The following DUSP16 variants were observed in gnomAD, a reference collection of about 807,000 sequenced individuals.
The protein encoded by DUSP16 is dual specificity phosphatase 16, also known as dual specificity protein phosphatase 16.
In DUSP16, 21 loss-of-function variants were observed where a neutral mutation model predicts 58.3. The observed-to-expected ratio is 0.36, with a 90% confidence interval of 0.26 to 0.52. The LOEUF (loss-of-function observed/expected upper bound fraction) is 0.52. DUSP16 is among the 20% of genes least tolerant of loss of function. DUSP16 has a pLI of 0.94. For missense variants in DUSP16, 726 were observed against 819.0 expected, an observed-to-expected ratio of 0.89 and a Z score of 1.39; for synonymous variants, 320 against 323.8, an observed-to-expected ratio of 0.99 and a Z score of 0.12.
chr12:12,521,163 T>C lies in DUSP16; in HGVS notation c.-65A>G. 6.4e-7 allele frequency: 1 copy of C among 1,571,346 alleles called. No homozygotes were observed. The highest frequency in any genetic ancestry group is 8.6e-7 in the Non-Finnish European group (1 of 1,158,812). Reference sequence around the variant, plus strand: ...TTGCCACGATGATGTAATGGTGGTGTGCTCAAAGGCTCAGCCACTCCATTG... The same window carrying C: ...TTGCCACGATGATGTAATGGTGGTGCGCTCAAAGGCTCAGCCACTCCATTG... On this transcript the variant is annotated 5_prime_UTR_variant, in exon 2 of 7. Coordinates refer to ENST00000298573, the MANE Select transcript of DUSP16 (RefSeq NM_030640.3).
At chr12:12,560,938 G>A (rs913413741) in intron 1 of DUSP16, 1 of 83,428 alleles carries the variant, frequency 1.2e-5, no homozygotes, top group African/African-American at 7.0e-5. Context: ...TTGCATGGAT[G>A]GTAAATTTCA....
chr12:12,516,246 C>A (rs7314806), intron 3 of DUSP16, among the ~76,000 whole-genome samples: 9,782 of 150,224 alleles, frequency 0.065, 630 homozygotes, highest in East Asian at 0.24. Flanking sequence ...CTCAAGCAAT[C>A]CTCCCCCATC....
At chr12:12,495,219 T>C (rs887461886) in intron 4 of DUSP16, among the ~76,000 whole-genome samples, 10 of 139,008 alleles carry the variant, frequency 7.2e-5, no homozygotes, top group African/African-American at 2.7e-4. Context: ...ATGAATTATA[T>C]CTCAGTAAAG....
At chr12:12,561,842 G>A (rs1234177525) in intron 1 of DUSP16, among the ~76,000 whole-genome samples, 4 of 150,568 alleles carry the variant, frequency 2.7e-5, no homozygotes, top group Non-Finnish European at 3.0e-5. Context: ...CCCGCGCCCG[G>A]CCGCACGCCC....
intron 1 of DUSP16, among the ~76,000 whole-genome samples, chr12:12,529,174 T>C (rs905866385): frequency 1.3e-5 from 2 of 152,214 alleles, no homozygotes; most frequent in Non-Finnish European, 2.9e-5. Context: ...TGCAGTGCTA[T>C]GATCTCAGTT....
At chr12:12,492,616 C>T (rs914641633) in intron 4 of DUSP16, among the ~76,000 whole-genome samples, 4 of 152,046 alleles carry the variant, frequency 2.6e-5, no homozygotes, top group South Asian at 4.1e-4. Flanking sequence ...CTCTCAGCTT[C>T]GCGTCTCCCT....
chr12:12,528,281 C>T (rs1046788021), intron 1 of DUSP16, among the ~76,000 whole-genome samples: 9 of 152,108 alleles, frequency 5.9e-5, no homozygotes, highest in East Asian at 1.9e-4. Context: ...CCTCCAGACA[C>T]GCTGCCTGAA....
At chr12:12,524,641 CTA>C (rs1283997706) in intron 1 of DUSP16, among the ~76,000 whole-genome samples, 1 of 152,268 alleles carries the variant, frequency 6.6e-6, no homozygotes, top group African/African-American at 2.4e-5. Context: ...CCCAGAATTT[CTA>C]TAAGTCAAGG....
In DUSP16 at chr12:12,521,370, T is replaced by C. The variant is rs992580308; in HGVS notation, c.-272A>G. On this transcript the variant is annotated 5_prime_UTR_variant, in exon 2 of 7. The change abolishes an upstream ATG in the 5' untranslated region. Coordinates refer to ENST00000298573, the MANE Select transcript of DUSP16 (RefSeq NM_030640.3). ...CATAAAGAGATGACTGGAATAACCA[T>C]TCCACAACAAAAGATGCTTTGGAGC... 1.1e-5 allele frequency: 14 copies of C among 1,322,312 alleles called. No homozygotes were observed. The highest frequency in any genetic ancestry group is 1.7e-5 in the South Asian group (1 of 59,616). The allele number at this position is 1,322,312 out of a possible 1,614,324, so 81.9% of individuals were successfully genotyped here. A position where few individuals can be genotyped will look rare whatever the true frequency, so the allele number is the denominator to read the frequency against.
chr12:12,487,695 C>G (rs923127593), intron 4 of DUSP16, among the ~76,000 whole-genome samples: 3 of 152,136 alleles, frequency 2.0e-5, no homozygotes, highest in Non-Finnish European at 4.4e-5. Flanking sequence ...ATTTCCAACC[C>G]GTATCTCCAA....
intron 3 of DUSP16, among the ~76,000 whole-genome samples, chr12:12,505,728 A>G (rs1234278871): frequency 6.6e-6 from 1 of 152,196 alleles, no homozygotes; most frequent in Non-Finnish European, 1.5e-5. Flanking sequence ...GAAAGTTCTA[A>G]GACAGAGAAC....
At chr12:12,552,689 C>T (rs571427116) in intron 1 of DUSP16, among the ~76,000 whole-genome samples, 6 of 152,214 alleles carry the variant, frequency 3.9e-5, no homozygotes, top group Admixed American at 6.5e-5. Flanking sequence ...AATGGCAAAA[C>T]GTAAAACAAT....
chr12:12,488,921 A>C (rs1237660216), intron 4 of DUSP16, among the ~76,000 whole-genome samples: 1 of 152,048 alleles, frequency 6.6e-6, no homozygotes, highest in Non-Finnish European at 1.5e-5. Flanking sequence ...CTCTACTAAA[A>C]CTACAAAATT....
chr12:12,498,713 A>T (rs893271749), intron 4 of DUSP16, among the ~76,000 whole-genome samples: 1 of 152,132 alleles, frequency 6.6e-6, no homozygotes, highest in African/African-American at 2.4e-5. Context: ...CCACAAATAT[A>T]AATTTATATT....
chr12:12,509,279 T>C (rs1274043038), intron 3 of DUSP16, among the ~76,000 whole-genome samples: 1 of 152,206 alleles, frequency 6.6e-6, no homozygotes, highest in East Asian at 1.9e-4. Flanking sequence ...TTTTGAAAAG[T>C]CAACCTTTCC....
chr12:12,532,535 G>A (rs1046928034), intron 1 of DUSP16, among the ~76,000 whole-genome samples: 1 of 152,108 alleles, frequency 6.6e-6, no homozygotes, highest in African/African-American at 2.4e-5. Context: ...CATAACCTTG[G>A]AAATTATGAA....
intron 6 of DUSP16, 103 bp downstream of exon 6, chr12:12,480,118 CTA>C: frequency 6.9e-7 from 1 of 1,440,776 alleles, no homozygotes; most frequent in Non-Finnish European, 9.4e-7. Flanking sequence ...AAAAATGTGA[CTA>C]AAATAATCAT....
chr12:12,539,356 C>A (rs1944516452), intron 1 of DUSP16, among the ~76,000 whole-genome samples: 1 of 152,148 alleles, frequency 6.6e-6, no homozygotes, highest in Non-Finnish European at 1.5e-5. Context: ...CAGAAGACTG[C>A]AAGGATATGC....
At chr12:12,535,912 C>T (rs1207141770) in intron 1 of DUSP16, among the ~76,000 whole-genome samples, 1 of 152,154 alleles carries the variant, frequency 6.6e-6, no homozygotes, top group African/African-American at 2.4e-5. Context: ...CAGATTATGT[C>T]AACAAGTAAC....
Sources: gnomAD v4.1 joint callset for allele counts (sites outside exome capture counted in the v4.1 genomes callset) on GRCh38, gnomAD v4.1.1 for gene constraint, MANE v1.5 for transcripts, NCBI Gene and HGNC (gene_info 2026-07-23, HGNC 2026-07-21) for gene names.